The following EMB variants were observed in gnomAD, a reference collection of about 807,000 sequenced individuals.
EMB encodes embigin homolog.
In EMB, 31 loss-of-function variants were observed where a neutral mutation model predicts 41.4. That is an observed-to-expected ratio of 0.75 (90% CI 0.56 to 1.01). EMB has a LOEUF of 1.01. Ranked by LOEUF, EMB falls within the 50% of genes least tolerant of loss-of-function variation. The probability of loss-of-function intolerance (pLI) is 0.00; values close to 1 mark genes in which losing one functional copy is unlikely to be tolerated. For synonymous variants in EMB, 137 were observed against 140.4 expected, an observed-to-expected ratio of 0.98 and a Z score of 0.17; for missense variants, 379 against 388.3, an observed-to-expected ratio of 0.98 and a Z score of 0.20.
At chr5:50,405,897 T>A (rs1330925263) in intron 4 of EMB, 45 bp from the exon 5 acceptor site, 3 of 1,530,026 alleles carry the variant, frequency 2.0e-6, no homozygotes, top group Non-Finnish European at 2.6e-6. Context: ...AGAGTTTAGG[T>A]AAAGGAAATG....
intron 4 of EMB, among the ~76,000 whole-genome samples, chr5:50,406,606 G>A (rs750791540): frequency 3.3e-5 from 5 of 151,850 alleles, no homozygotes; most frequent in Admixed American, 2.0e-4. Flanking sequence ...CCTACATGGT[G>A]CAATCAGTTC....
chr5:50,423,551 G>A (rs1222860073), intron 2 of EMB, among the ~76,000 whole-genome samples: 1 of 152,128 alleles, frequency 6.6e-6, no homozygotes, highest in East Asian at 1.9e-4. Flanking sequence ...AGCTCTGTTA[G>A]GGACTGTGTG....
rs62365889 is a variant in EMB at position 50,412,257 on chromosome 5, G to C, written c.197-874C>G. On this transcript the variant is annotated intron_variant, in intron 2 of 8. Coordinates refer to ENST00000303221, the MANE Select transcript of EMB (RefSeq NM_198449.3). The stretch of plus-strand genomic sequence containing the variant: ...CACACACACCACACACACACACACA[G>C]ACACACACACACACACACACACACA... 9.4e-4 allele frequency among the ~76,000 whole-genome samples: 133 copies of C among 141,720 alleles called. 1 individual carries two copies. Among genetic ancestry groups the C allele is most frequent in the African/African-American group, 2.9e-3 (101 of 35,244 alleles). 93.0% of individuals were successfully genotyped at this position (141,720 alleles called of 152,430 possible).
rs758141211 is a variant in EMB at position 50,441,105 on chromosome 5, C to G, written c.47G>C (p.Arg16Pro). 9.6e-5 allele frequency: 146 copies of G among 1,517,232 alleles called. 1 individual carries two copies. Among genetic ancestry groups the G allele is most frequent in the Non-Finnish European group, 1.2e-4 (142 of 1,136,478 alleles). The allele number at this position is 1,517,232 out of a possible 1,614,324, so 94.0% of individuals were successfully genotyped here. A position where few individuals can be genotyped will look rare whatever the true frequency, so the allele number is the denominator to read the frequency against. The stretch of plus-strand genomic sequence containing the variant: ...GAGAAGGCACTGGAGGAGGAGCAGC[C>G]GGGGCGTACGCGCCCTGGCCTCCAG... The part of the protein sequence containing the change: ...GLLEARARTP[R>P]LLLLQCLLAA... Residue 16 changes from arginine (R) to proline (P), a missense_variant, in exon 1 of 9, where the codon CGG becomes CCG. Coordinates refer to ENST00000303221, the MANE Select transcript of EMB (RefSeq NM_198449.3).
intron 2 of EMB, among the ~76,000 whole-genome samples, chr5:50,422,335 C>T (rs893629576): frequency 1.4e-4 from 22 of 152,018 alleles, no homozygotes; most frequent in African/African-American, 4.3e-4. Context: ...AGGTGTTATT[C>T]GATGAATATT....
rs1332797525 is a variant in EMB at position 50,405,736 on chromosome 5, C to T, written c.589G>A (p.Gly197Arg). 2 of 1,594,046 alleles carry T rather than the reference C, an allele frequency of 1.3e-6. No individual in the cohort carries two copies. The change falls in exon 5 of 9, where the codon GGG becomes AGG. Residue 197 changes from glycine to arginine, a missense_variant. Gly to Arg is a moderately radical substitution (Grantham distance 125, BLOSUM62 -2). Coordinates refer to ENST00000303221, the MANE Select transcript of EMB (RefSeq NM_198449.3). ...AGGAACTATCTTACCTTTACACTCCCATTACTACTGTACCAGGTCCAATTT... is the reference window on the plus strand; with the variant it reads ...AGGAACTATCTTACCTTTACACTCCTATTACTACTGTACCAGGTCCAATTT... ...PLNWTWYSSN[G>R]SVKVPVGVQM...
chr5:50,419,792 A>G (rs1321441870), intron 2 of EMB, among the ~76,000 whole-genome samples: 1 of 152,208 alleles, frequency 6.6e-6, no homozygotes, highest in Non-Finnish European at 1.5e-5. Flanking sequence ...ATGCCCATCA[A>G]TGATAGACTG....
upstream of EMB, among the ~76,000 whole-genome samples, chr5:50,442,327 G>A (rs548155705): frequency 2.3e-4 from 35 of 152,248 alleles, no homozygotes; most frequent in African/African-American, 8.4e-4. Flanking sequence ...ACTAAAACAC[G>A]TCTGTTTCTG....
At chr5:50,440,316 C>T (rs1313258449) in intron 1 of EMB, among the ~76,000 whole-genome samples, 1 of 152,020 alleles carries the variant, frequency 6.6e-6, no homozygotes, top group Non-Finnish European at 1.5e-5. Context: ...GGCGGATCAC[C>T]TCAGGTTGGG....
chr5:50,403,479 C>A, intron 5 of EMB, 25 bp from the exon 6 acceptor site: 1 of 1,605,358 alleles, frequency 6.2e-7, no homozygotes, highest in Non-Finnish European at 8.5e-7. Flanking sequence ...CATTAAAATC[C>A]ATTCCTATCA....
chr5:50,403,137 A>G (rs1178152359), intron 6 of EMB, 41 bp downstream of exon 6: 1 of 1,504,104 alleles, frequency 6.6e-7, no homozygotes. Flanking sequence ...AACTGATAAT[A>G]CTTTCTAAAA....
intron 2 of EMB, among the ~76,000 whole-genome samples, chr5:50,419,118 T>G (rs1241134358): frequency 1.3e-5 from 2 of 152,212 alleles, no homozygotes; most frequent in African/African-American, 4.8e-5. Flanking sequence ...CAGGCTGAGG[T>G]AGCAGTCCAG....
chr5:50,399,599 C>A lies in EMB; in HGVS notation c.966+260G>T, dbSNP rs760781349. On this transcript the variant is annotated intron_variant, in intron 8 of 8. Coordinates refer to ENST00000303221, the MANE Select transcript of EMB (RefSeq NM_198449.3). ...TGAAAAATTGTAAAAGAAACTAGTC[C>A]GTGGTGATAAAATAAAATATGTAGC... Among the ~76,000 whole-genome samples the A allele has an allele frequency of 2.6e-5, 4 of 151,736 alleles. No individual in the cohort carries two copies. In the East Asian group the frequency reaches 7.7e-4, roughly 29 times the overall value.
chr5:50,438,492 G>C (rs1427410203), intron 1 of EMB, among the ~76,000 whole-genome samples: 1 of 151,906 alleles, frequency 6.6e-6, no homozygotes, highest in African/African-American at 2.4e-5. Context: ...TTTTCAGCTG[G>C]AACTAAAAAA....
chr5:50,410,686 C>T (rs1405196088), intron 4 of EMB, among the ~76,000 whole-genome samples, 191 bp downstream of exon 4: 1 of 152,066 alleles, frequency 6.6e-6, no homozygotes, highest in Non-Finnish European at 1.5e-5. Context: ...GGAATAGAAG[C>T]AGGAAGGAAG....
intron 1 of EMB, chr5:50,428,871 A>C (rs1484337108): frequency 1.6e-5 from 4 of 256,370 alleles, no homozygotes; most frequent in Non-Finnish European, 2.4e-5. Context: ...AAGTTACTTT[A>C]TTTATTTTAT....
chr5:50,425,819 G>A (rs889301022), intron 2 of EMB, among the ~76,000 whole-genome samples: 5 of 151,556 alleles, frequency 3.3e-5, no homozygotes, highest in African/African-American at 9.7e-5. Context: ...AGGTAGAAGG[G>A]AATACAGGTG....
At chr5:50,431,439 G>A (rs965662338) in intron 1 of EMB, among the ~76,000 whole-genome samples, 1 of 152,174 alleles carries the variant, frequency 6.6e-6, no homozygotes, top group Non-Finnish European at 1.5e-5. Context: ...GGCAGATGTG[G>A]TTTGAATACT....
chr5:50,410,581 T>G (rs1483613522), intron 4 of EMB, among the ~76,000 whole-genome samples: 3 of 152,034 alleles, frequency 2.0e-5, no homozygotes, highest in Non-Finnish European at 4.4e-5. Flanking sequence ...AGCTATGAAT[T>G]TAGAGAGATA....
Sources: allele counts gnomAD v4.1 joint callset (sites outside exome capture counted in the v4.1 genomes callset), GRCh38; gene constraint gnomAD v4.1.1; transcripts MANE v1.5; gene names NCBI Gene and HGNC (gene_info 2026-07-23, HGNC 2026-07-21).